Variants in TRAPPC2L observed in about 807,000 individuals in gnomAD.
TRAPPC2L encodes the protein trafficking protein particle complex subunit 2-like protein.
A neutral mutation model predicts 13.2 loss-of-function variants in TRAPPC2L; 17 were observed. That is an observed-to-expected ratio of 1.29 (90% CI 0.88 to 1.93). The LOEUF (loss-of-function observed/expected upper bound fraction) is 1.93. Ranked by LOEUF, TRAPPC2L falls within the 30% of genes most tolerant of loss-of-function variation. TRAPPC2L has a pLI of 0.00. For missense variants in TRAPPC2L, 359 were observed against 252.1 expected (o/e 1.42, Z -2.87); for synonymous variants, 150 against 98.1 (o/e 1.53, Z -3.12).
At chr16:88,856,883 C>T, upstream of TRAPPC2L, 1 of 1,506,112 alleles carries the variant, frequency 6.6e-7, no homozygotes, top group Non-Finnish European at 8.8e-7. Context: ...GCCATGGCAA[C>T]CACGGGAGCC....
chr16:88,857,006 G>C, upstream of TRAPPC2L: 1 of 1,388,560 alleles, frequency 7.2e-7, no homozygotes, highest in South Asian at 1.6e-5. Flanking sequence ...CAGAGTCCGC[G>C]GAGGGACGGG....
intron 2 of TRAPPC2L, chr16:88,859,209 A>G (rs1202099679): frequency 8.1e-6 from 4 of 496,536 alleles, no homozygotes; most frequent in South Asian, 1.6e-5. Flanking sequence ...ACTTGAGGCC[A>G]TGGAATTCAA....
At chr16:88,857,366 C>G (rs1362374354) in intron 1 of TRAPPC2L, 183 bp downstream of exon 1, 4 of 559,208 alleles carry the variant, frequency 7.2e-6, no homozygotes, top group Non-Finnish European at 1.2e-5. Context: ...GACTGAGACC[C>G]CAGTTCCGCG....
At chr16:88,861,654 C>A in exon 4 of TRAPPC2L, 1 of 499,928 alleles carries the variant, frequency 2.0e-6, no homozygotes, top group Non-Finnish European at 4.1e-6. Context: ...GACTACCACC[C>A]AGGGCAGCGG....
At chr16:88,861,586 C>G in exon 4 of TRAPPC2L, 1 of 471,346 alleles carries the variant, frequency 2.1e-6, no homozygotes. Flanking sequence ...CTTGAGGCAC[C>G]CCCTCCTGCC....
chr16:88,857,165 C>T (rs748351026), exon 1 of TRAPPC2L: 4 of 1,582,514 alleles, frequency 2.5e-6, no homozygotes, highest in South Asian at 1.1e-5. Flanking sequence ...CGGTGTGCAT[C>T]GCGGTGATTG....
At chr16:88,858,738 C>T (rs777387220) in exon 2 of TRAPPC2L, 12 of 1,613,306 alleles carry the variant, frequency 7.4e-6, no homozygotes, top group East Asian at 2.2e-5. Context: ...AGGCCCTGGT[C>T]GACCAGAGGG....
chr16:88,857,423 C>T, intron 1 of TRAPPC2L: 2 of 485,506 alleles, frequency 4.1e-6, no homozygotes, highest in South Asian at 5.8e-5. Flanking sequence ...AGCAGGTCTC[C>T]TCCCCGCCAG....
At position 88,859,664 on chromosome 16, in the gene TRAPPC2L, T is replaced by TA. The variant is rs765691453; in HGVS notation, c.209dup (p.Tyr70Ter). 111 of 1,613,850 alleles carry TA rather than the reference T, an allele frequency of 6.9e-5. No homozygotes were observed. Among genetic ancestry groups the TA allele is most frequent in the Non-Finnish European group, 9.2e-5 (109 of 1,180,020 alleles). The change falls in exon 3 of 4, where the codon TAC becomes TAAC. Residue 70 changes from tyrosine (Y) to a stop codon, truncating the protein, a stop_gained and frameshift_variant and splice_region_variant. Transcript: ENST00000565504. LOFTEE classifies it high-confidence loss of function. Reference sequence around the variant, plus strand: ...TGCCTTCCCTAACCAGCTGTGCAGATACGGCTACGTCACCAACTCCAAGGT... The same window carrying TA: ...TGCCTTCCCTAACCAGCTGTGCAGATAACGGCTACGTCACCAACTCCAAGGT...
exon 4 of TRAPPC2L, chr16:88,860,402 T>G (rs1968304347): frequency 4.9e-6 from 3 of 611,244 alleles, no homozygotes; most frequent in Non-Finnish European, 8.8e-6. Flanking sequence ...TAAACAGATT[T>G]AACTTTTGAA....
At chr16:88,861,681 G>A (rs369666016) in exon 4 of TRAPPC2L, 38 of 486,890 alleles carry the variant, frequency 7.8e-5, no homozygotes, top group South Asian at 1.2e-4. Context: ...CCATAGTGGC[G>A]TCAGTGCCGC....
At chr16:88,861,264 A>G (rs1968370101) in exon 4 of TRAPPC2L, 1 of 438,018 alleles carries the variant, frequency 2.3e-6, no homozygotes, top group Admixed American at 3.5e-5. Context: ...GGGTGCCTGG[A>G]GCCAAGAGTT....
chr16:88,856,582 C>G, upstream of TRAPPC2L: 1 of 337,120 alleles, frequency 3.0e-6, no homozygotes, highest in Non-Finnish European at 5.6e-6. Context: ...CACGGGGATA[C>G]CCCCCGTCCC....
exon 4 of TRAPPC2L, chr16:88,861,623 G>T (rs1239703882): frequency 2.0e-6 from 1 of 494,178 alleles, no homozygotes; most frequent in East Asian, 6.1e-5. Flanking sequence ...GTTGGGTGCT[G>T]TGTCACTTGA....
chr16:88,860,904 C>T lies in TRAPPC2L; in HGVS notation c.*580C>T, dbSNP rs111674366. On this transcript the variant is annotated 3_prime_UTR_variant, in exon 4 of 4. Transcript: ENST00000565504. ...GGCTCTCCTCTGAGTGGGTCTGTTT[C>T]TCTTAGCAGGGCCTTTGATAACATG... The T allele has an allele frequency of 3.0e-3, 4,840 of 1,589,242 alleles. 124 individuals carry two copies. The African/African-American group carries it at 0.056, about 18-fold the overall frequency.
At chr16:88,856,590 C>G, upstream of TRAPPC2L, 1 of 453,410 alleles carries the variant, frequency 2.2e-6, no homozygotes. Context: ...TACCCCCCGT[C>G]CCCTCCCCCT....
At chr16:88,860,920 T>C (rs1453503368) in exon 4 of TRAPPC2L, 1 of 1,594,516 alleles carries the variant, frequency 6.3e-7, no homozygotes, top group Non-Finnish European at 8.5e-7. Flanking sequence ...GCAGGGCCTT[T>C]GATAACATGG....
rs1206767439 is a variant in TRAPPC2L at position 88,860,128 on chromosome 16, G to A, written c.530G>A (p.Ser177Asn). ...AGGGCAGAGGTTTTAAAGCCACAAA[G>A]CCCCGTTTCTCCACACCAACTCTTA... The change falls in exon 4 of 4, where the codon AGC becomes AAC. Residue 177 changes from serine (S) to asparagine (N), a missense_variant. Coordinates refer to ENST00000565504, the Ensembl canonical transcript of TRAPPC2L. 6.6e-6 allele frequency: 5 copies of A among 755,180 alleles called. No individual in the cohort carries two copies. The Admixed American group carries it at 1.0e-4, about 15-fold the overall frequency. 46.8% of individuals were successfully genotyped at this position (755,180 alleles called of 1,614,324 possible). A position where few individuals can be genotyped will look rare whatever the true frequency, so the allele number is the denominator to read the frequency against.
exon 4 of TRAPPC2L, chr16:88,862,226 G>C (rs922788005): frequency 6.5e-6 from 1 of 152,798 alleles, no homozygotes; most frequent in Non-Finnish European, 1.5e-5. Context: ...GACTCTGCAA[G>C]TTGCTAACCC....
Sources: allele counts gnomAD v4.1 joint callset, GRCh38; gene constraint gnomAD v4.1.1; transcripts MANE v1.5; gene names NCBI Gene and HGNC (gene_info 2026-07-23, HGNC 2026-07-21).